The following AMMECR1 variants were observed in gnomAD, a reference collection of about 807,000 sequenced individuals.
AMMECR1 encodes the protein AMMECR nuclear protein 1, also known as nuclear protein AMMECR1.
AMMECR1 carries 3 observed loss-of-function variants against 22.5 expected under a neutral mutation model. The observed-to-expected ratio is 0.13, with a 90% CI of 0.06 to 0.35. AMMECR1 has a LOEUF of 0.35. Among genes scored for constraint, AMMECR1 ranks in the 10% least tolerant of loss-of-function variants. The pLI is 1.00. For missense variants in AMMECR1, 235 were observed against 278.7 expected (o/e 0.84, Z 1.12); for synonymous variants, 130 against 116.7 (o/e 1.11, Z -0.74).
At chrX:110,346,872 A>G in intron 2 of AMMECR1, 2 of 637,672 alleles carry the variant, frequency 3.1e-6, no homozygotes, top group East Asian at 3.2e-5. Context: ...CTGTTGAACC[A>G]CTTTCTTCGT....
At chrX:110,339,017 T>C (rs188409014) in intron 2 of AMMECR1, among the ~76,000 whole-genome samples, 23 of 111,690 alleles carry the variant, frequency 2.1e-4, no homozygotes, top group African/African-American at 6.8e-4. Context: ...CTAAAGTAAT[T>C]GGTGAAATGA....
Position 110,202,488 on chromosome X carries a change from T to G in AMMECR1, c.748A>C (p.Lys250Gln). The change falls in exon 4 of 6, where the codon AAA becomes CAA. Residue 250 changes from lysine (K) to glutamine (Q), a missense_variant. Physicochemically the swap from Lys to Gln is moderately conservative, Grantham distance 53 (BLOSUM62 1). This residue lies in a region of AMMECR1 where 111 missense variants were observed against 181.7 expected (regional missense o/e 0.61). Coordinates refer to ENST00000262844, the MANE Select transcript of AMMECR1 (RefSeq NM_015365.3). ...TCCGGTAGGTAGGTGGCGGTGCGTT[T>G]TGATCCTTTTTCATTGATGAATTCT... Reference protein sequence around the residue: ...RIEFINEKGSKRTATYLPEVA... With the variant: ...RIEFINEKGSQRTATYLPEVA... 8.3e-7 allele frequency: 1 copy of G among 1,209,731 alleles called. No individual in the cohort carries two copies. The highest frequency in any genetic ancestry group is 1.1e-6 in the Non-Finnish European group (1 of 893,927).
At chrX:110,312,956 T>G (rs1395503594) in intron 1 of AMMECR1, among the ~76,000 whole-genome samples, 2 of 112,644 alleles carry the variant, frequency 1.8e-5, no homozygotes, top group Non-Finnish European at 3.7e-5. Flanking sequence ...CAGATACATC[T>G]TCTGGCTATT....
At chrX:110,205,144 GCTTT>G (rs1159245270) in intron 3 of AMMECR1, among the ~76,000 whole-genome samples, 4 of 111,468 alleles carry the variant, frequency 3.6e-5, no homozygotes, top group East Asian at 2.8e-4. Flanking sequence ...AATCATAGTA[GCTTT>G]CTTTCTGTTA....
chrX:110,363,175 G>T (rs761474792), intron 2 of AMMECR1, among the ~76,000 whole-genome samples: 8 of 111,943 alleles, frequency 7.1e-5, no homozygotes, highest in Non-Finnish European at 1.5e-4. Flanking sequence ...GGGCTATATG[G>T]GTGGGAATGG....
intron 3 of AMMECR1, among the ~76,000 whole-genome samples, chrX:110,207,253 A>G (rs759268629): frequency 8.4e-4 from 94 of 111,532 alleles, no homozygotes; most frequent in African/African-American, 2.6e-3. Flanking sequence ...ACTATGTGCT[A>G]TATCTCCTAA....
intron 3 of AMMECR1, among the ~76,000 whole-genome samples, chrX:110,207,275 T>C (rs1008589506): frequency 9.0e-6 from 1 of 111,648 alleles, no homozygotes. Context: ...AGCACAAAAC[T>C]CATGGTGCAG....
At chrX:110,236,394 A>G (rs757070151) in intron 2 of AMMECR1, among the ~76,000 whole-genome samples, 1 of 112,199 alleles carries the variant, frequency 8.9e-6, no homozygotes, top group African/African-American at 3.2e-5. Context: ...AAAAAAAGAA[A>G]AAAAAAAGAG....
chrX:110,213,760 A>T (rs1288693111), intron 3 of AMMECR1, among the ~76,000 whole-genome samples: 1 of 111,554 alleles, frequency 9.0e-6, no homozygotes, highest in African/African-American at 3.3e-5. Context: ...ATTTTCAATC[A>T]CTGAGTAAGG....
intron 2 of AMMECR1, among the ~76,000 whole-genome samples, chrX:110,327,634 A>G (rs1477770439): frequency 9.0e-6 from 1 of 111,574 alleles, no homozygotes; most frequent in Non-Finnish European, 1.9e-5. Context: ...TTGACTCTGA[A>G]GAGGAACAAA....
intron 1 of AMMECR1, among the ~76,000 whole-genome samples, chrX:110,268,485 T>C (rs888990469): frequency 1.8e-5 from 2 of 112,206 alleles, no homozygotes; most frequent in Non-Finnish European, 3.8e-5. Flanking sequence ...AAAAGCAACA[T>C]TTAATGGGGA....
intron 2 of AMMECR1, among the ~76,000 whole-genome samples, chrX:110,243,344 AGT>A (rs1255966391): frequency 8.9e-6 from 1 of 112,138 alleles, no homozygotes; most frequent in East Asian, 2.8e-4. Context: ...AGAGTTTCAT[AGT>A]TAGGACATCA....
intron 1 of AMMECR1, among the ~76,000 whole-genome samples, chrX:110,439,290 CCT>C (rs1429904853): frequency 8.9e-6 from 1 of 111,955 alleles, no homozygotes; most frequent in Non-Finnish European, 1.9e-5. Context: ...GTTATTTTGG[CCT>C]CTCTTTCCAT....
At chrX:110,366,778 C>T (rs2068300002) in intron 2 of AMMECR1, among the ~76,000 whole-genome samples, 2 of 112,050 alleles carry the variant, frequency 1.8e-5, no homozygotes, top group Admixed American at 1.9e-4. Context: ...AAGCTTATAA[C>T]CGTGCTAACC....
At position 110,195,372 on chromosome X, in the gene AMMECR1, T is replaced by C. The variant is rs1364517418; in HGVS notation, c.*3148A>G. ...TGCAGTCAGAAGGCCACTTGAGGGG[T>C]GGGGGACAATTTGTTCTTTTAGAAT... On this transcript the variant is annotated 3_prime_UTR_variant, in exon 6 of 6. Coordinates refer to ENST00000262844, the MANE Select transcript of AMMECR1 (RefSeq NM_015365.3). 1 of 110,545 alleles carries C rather than the reference T, an allele frequency of 9.0e-6. No individual in the cohort carries two copies. The highest frequency in any genetic ancestry group is 1.9e-5 in the Non-Finnish European group (1 of 52,849). The allele number at this position is 110,545 out of a possible 1,213,427, so 9.1% of individuals were successfully genotyped here. A position where few individuals can be genotyped will look rare whatever the true frequency, so the allele number is the denominator to read the frequency against.
chrX:110,236,398 A>G (rs1283907529), intron 2 of AMMECR1, among the ~76,000 whole-genome samples: 3 of 112,240 alleles, frequency 2.7e-5, no homozygotes, highest in African/African-American at 9.7e-5. Flanking sequence ...AAAGAAAAAA[A>G]AAAGAGGAAG....
intron 2 of AMMECR1, among the ~76,000 whole-genome samples, chrX:110,224,350 T>A (rs1214271984): frequency 9.0e-6 from 1 of 111,255 alleles, no homozygotes; most frequent in East Asian, 2.8e-4. Flanking sequence ...AATATAAGAA[T>A]AGATTACTAA....
intron 2 of AMMECR1, among the ~76,000 whole-genome samples, chrX:110,246,663 A>G (rs2067659828): frequency 8.9e-6 from 1 of 112,354 alleles, no homozygotes; most frequent in Admixed American, 9.4e-5. Flanking sequence ...GTAAGAAACT[A>G]CATTGGAAGG....
chrX:110,401,029 C>T (rs1368389701), intron 2 of AMMECR1, among the ~76,000 whole-genome samples: 2 of 112,272 alleles, frequency 1.8e-5, no homozygotes. Context: ...TTGTGCTGAA[C>T]CATTTACACA....
Sources: allele counts gnomAD v4.1 joint callset (sites outside exome capture counted in the v4.1 genomes callset), GRCh38; gene constraint gnomAD v4.1.1; regional missense constraint gnomAD v4.1.1; transcripts MANE v1.5; gene names NCBI Gene and HGNC (gene_info 2026-07-23, HGNC 2026-07-21).